The following MRPS31 variants were observed in gnomAD, a reference collection of about 807,000 sequenced individuals.
The protein encoded by MRPS31 is small ribosomal subunit protein mS31.
A neutral mutation model predicts 43.1 loss-of-function variants in MRPS31; 32 were observed. The ratio of observed to expected loss-of-function variants is 0.74; its 90% CI spans 0.56 to 1.00. The LOEUF (loss-of-function observed/expected upper bound fraction) is 1.00, where lower values mean the gene tolerates loss of function less well. MRPS31 is among the 50% of genes least tolerant of loss of function. The pLI, the probability that MRPS31 is intolerant of heterozygous loss-of-function variation, is 0.00. For synonymous variants in MRPS31, 165 were observed against 161.6 expected (o/e 1.02, Z -0.16); for missense variants, 437 against 466.7 (o/e 0.94, Z 0.59).
chr13:40,729,570 T>A lies in MRPS31; in HGVS notation c.990A>T (p.Glu330Asp). ...GFDDDGSEFH[E>D]HIFLEKHLES... ...CCAGGTGTTTCTCCAGAAATATATG[T>A]TCATGAAATTCTGAACCATCATCAT... is the stretch of plus-strand genomic sequence containing the variant. The change falls in exon 7 of 7, where the codon GAA becomes GAT. Residue 330 changes from glutamate to aspartate, a missense_variant. Coordinates refer to ENST00000323563, the MANE Select transcript of MRPS31 (RefSeq NM_005830.4). 6.2e-7 allele frequency: 1 copy of A among 1,613,716 alleles called. No individual in the cohort carries two copies. Among genetic ancestry groups the A allele is most frequent in the Non-Finnish European group, 8.5e-7 (1 of 1,179,740 alleles).
chr13:40,742,228 G>A (rs9603786), intron 6 of MRPS31, among the ~76,000 whole-genome samples: 65,937 of 151,972 alleles, frequency 0.43, 16,387 homozygotes, highest in East Asian at 0.78. Flanking sequence ...TAAACATAAG[G>A]AGGAAATCCT....
intron 6 of MRPS31, among the ~76,000 whole-genome samples, chr13:40,743,960 T>C (rs748295061): frequency 4.6e-5 from 7 of 152,122 alleles, no homozygotes; most frequent in Non-Finnish European, 8.8e-5. Context: ...TAGGTGCACA[T>C]GAATGGTGGA....
At position 40,729,884 on chromosome 13, in the gene MRPS31, C is replaced by T. The variant is rs567807124; in HGVS notation, c.959-283G>A. 3.2e-3 allele frequency among the ~76,000 whole-genome samples: 485 copies of T among 152,076 alleles called. 5 individuals are homozygous for T. The highest frequency in any genetic ancestry group is 0.011 in the African/African-American group (459 of 41,500). ...AGCTGGGACTACAGGCATGTACCAC[C>T]ACGCCCAGCTAATTTTTTTATTTTT... On this transcript the variant is annotated intron_variant, in intron 6 of 6. Coordinates refer to ENST00000323563, the MANE Select transcript of MRPS31 (RefSeq NM_005830.4).
chr13:40,765,164 C>T (rs1478867657), intron 2 of MRPS31, among the ~76,000 whole-genome samples: 1 of 152,160 alleles, frequency 6.6e-6, no homozygotes, highest in Non-Finnish European at 1.5e-5. Flanking sequence ...ACCAAAGCCT[C>T]TTCTTTGAAC....
chr13:40,758,078 G>C (rs1051843943), intron 3 of MRPS31, among the ~76,000 whole-genome samples: 13 of 150,588 alleles, frequency 8.6e-5, no homozygotes, highest in African/African-American at 3.2e-4. Flanking sequence ...GGGAGGCGGA[G>C]CCTGCAGTGA....
At chr13:40,768,400 C>G (rs192869112) in intron 1 of MRPS31, among the ~76,000 whole-genome samples, 52 of 139,202 alleles carry the variant, frequency 3.7e-4, no homozygotes, top group Non-Finnish European at 6.0e-4. Flanking sequence ...ACAGGCATCA[C>G]CCCGCTAAAT....
chr13:40,769,206 T>C (rs1200543222), intron 1 of MRPS31, among the ~76,000 whole-genome samples: 1 of 151,260 alleles, frequency 6.6e-6, no homozygotes, highest in African/African-American at 2.4e-5. Flanking sequence ...TGAAATCCAG[T>C]CTCTACTAAA....
chr13:40,768,405 C>G (rs143961934), intron 1 of MRPS31, among the ~76,000 whole-genome samples: 1 of 139,272 alleles, frequency 7.2e-6, no homozygotes, highest in Non-Finnish European at 1.5e-5. Context: ...CATCACCCCG[C>G]TAAATCCCCT....
At chr13:40,736,071 C>A (rs1879895446) in intron 6 of MRPS31, among the ~76,000 whole-genome samples, 2 of 143,744 alleles carry the variant, frequency 1.4e-5, no homozygotes, top group African/African-American at 5.2e-5. Flanking sequence ...ATAACCAATA[C>A]AGAGAAGTGC....
At chr13:40,730,458 A>G (rs971101591) in intron 6 of MRPS31, among the ~76,000 whole-genome samples, 3 of 152,140 alleles carry the variant, frequency 2.0e-5, no homozygotes, top group Non-Finnish European at 4.4e-5. Context: ...CCAAGAGGCA[A>G]AGGTTGTAGG....
At chr13:40,729,854 C>T (rs1311334241) in intron 6 of MRPS31, among the ~76,000 whole-genome samples, 1 of 151,644 alleles carries the variant, frequency 6.6e-6, no homozygotes, top group African/African-American at 2.4e-5. Flanking sequence ...CTCAGCCTCC[C>T]GAGTAGCTGG....
intron 2 of MRPS31, among the ~76,000 whole-genome samples, chr13:40,761,258 G>A (rs1880687024): frequency 7.3e-6 from 1 of 137,674 alleles, no homozygotes. Flanking sequence ...CAGAGTGAGA[G>A]TCTGTCTCCA....
chr13:40,751,086 G>A lies in MRPS31; in HGVS notation c.815-1805C>T, dbSNP rs542679709. Among the ~76,000 whole-genome samples, 49 of 152,008 alleles carry A rather than the reference G, an allele frequency of 3.2e-4. 2 individuals carry two copies. In the South Asian group the frequency reaches 9.8e-3, roughly 30 times the overall value. ...TTGCTTTTTCTGAATCTATTTCTATGAGCCTTTATGTGCAGAAATGTATCT... is the reference window on the plus strand; with the variant it reads ...TTGCTTTTTCTGAATCTATTTCTATAAGCCTTTATGTGCAGAAATGTATCT... On this transcript the variant is annotated intron_variant, in intron 5 of 6. Transcript: ENST00000323563.
At chr13:40,765,020 CA>C (rs1433224807) in intron 2 of MRPS31, among the ~76,000 whole-genome samples, 16 of 152,080 alleles carry the variant, frequency 1.1e-4, no homozygotes, top group Non-Finnish European at 1.9e-4. Context: ...TCTCATGAAG[CA>C]AAGATCATGA....
chr13:40,756,815 C>T, intron 4 of MRPS31, 58 bp downstream of exon 4: 1 of 1,573,544 alleles, frequency 6.4e-7, no homozygotes, highest in Non-Finnish European at 8.7e-7. Context: ...GGTAAATCTA[C>T]AGTTAAGGTA....
At chr13:40,745,631 GCTTGT>G (rs1256169784) in intron 6 of MRPS31, among the ~76,000 whole-genome samples, 1 of 152,078 alleles carries the variant, frequency 6.6e-6, no homozygotes, top group Admixed American at 6.5e-5. Context: ...CTACACTGTG[GCTTGT>G]CTTTTTATAT....
rs1029903256 is a variant in MRPS31, at chr13:40,767,104, C to T, written c.153-71G>A. ...TACAATAAAGTAAAAAACTTACTTA[C>T]AATAAAGTAAAAAACTATGTATCTA... On this transcript the variant is annotated intron_variant, in intron 1 of 6. Coordinates refer to ENST00000323563, the MANE Select transcript of MRPS31 (RefSeq NM_005830.4). 4 of 1,220,884 alleles carry T rather than the reference C, an allele frequency of 3.3e-6. No individual in the cohort carries two copies. In the African/African-American group the frequency reaches 6.3e-5, roughly 19 times the overall value. The allele number at this position is 1,220,884 out of a possible 1,614,324, so 75.6% of individuals were successfully genotyped here.
intron 6 of MRPS31, among the ~76,000 whole-genome samples, chr13:40,737,727 C>A (rs893701492): frequency 2.6e-5 from 4 of 152,220 alleles, no homozygotes; most frequent in South Asian, 2.1e-4. Context: ...TAAAGATGTT[C>A]TTTGAAACCA....
intron 2 of MRPS31, among the ~76,000 whole-genome samples, chr13:40,765,804 A>G (rs1415070420): frequency 2.0e-5 from 3 of 152,256 alleles, no homozygotes; most frequent in African/African-American, 7.2e-5. Flanking sequence ...AATTAATGAC[A>G]TCATTGAAAT....
Sources: gnomAD v4.1 joint callset for allele counts (sites outside exome capture counted in the v4.1 genomes callset) on GRCh38, gnomAD v4.1.1 for gene constraint, MANE v1.5 for transcripts, NCBI Gene and HGNC (gene_info 2026-07-23, HGNC 2026-07-21) for gene names.